SLIT3: variants seen among roughly 807,000 people sequenced by gnomAD.
SLIT3 encodes the protein slit guidance ligand 3, also known as slit homolog 3 protein.
Under a neutral mutation model 184.0 loss-of-function variants are expected in SLIT3, and 68 were observed. The ratio of observed to expected loss-of-function variants is 0.37; its 90% confidence interval spans 0.30 to 0.45. The LOEUF (loss-of-function observed/expected upper bound fraction) is 0.45, where lower values mean the gene tolerates loss of function less well. Among genes scored for constraint, SLIT3 ranks in the 20% least tolerant of loss-of-function variants. The pLI is 1.00. For missense variants in SLIT3, 1,707 were observed against 2,026.0 expected, an observed-to-expected ratio of 0.84 and a Z score of 3.02; for synonymous variants, 831 against 828.6, an observed-to-expected ratio of 1.00 and a Z score of -0.05.
intron 4 of SLIT3, among the ~76,000 whole-genome samples, chr5:169,105,891 T>C (rs767011691): frequency 1.6e-4 from 25 of 152,216 alleles, no homozygotes; most frequent in Non-Finnish European, 3.1e-4. Flanking sequence ...ATGTCTTTGC[T>C]ATTGTGAATA....
chr5:169,151,397 A>T (rs1159340031), intron 4 of SLIT3, among the ~76,000 whole-genome samples: 1 of 152,122 alleles, frequency 6.6e-6, no homozygotes, highest in African/African-American at 2.4e-5. Context: ...CTGGGTTCTA[A>T]TGGCCTATCA....
intron 4 of SLIT3, among the ~76,000 whole-genome samples, chr5:169,040,125 C>G (rs1757397795): frequency 6.6e-6 from 1 of 152,186 alleles, no homozygotes; most frequent in African/African-American, 2.4e-5. Flanking sequence ...TAATCTAATT[C>G]CTATCGACCA....
intron 12 of SLIT3, among the ~76,000 whole-genome samples, chr5:168,782,336 G>A (rs898994278): frequency 2.0e-5 from 3 of 152,204 alleles, no homozygotes; most frequent in East Asian, 1.9e-4. Context: ...TCATGTGATC[G>A]ATGAGCACTA....
chr5:168,749,654 G>A lies in SLIT3; in HGVS notation c.1974-19C>T, dbSNP rs1245429766. 6 of 1,613,654 alleles carry A rather than the reference G, an allele frequency of 3.7e-6. No individual in the cohort carries two copies. In the East Asian group the frequency reaches 1.1e-4, roughly 30 times the overall value. On this transcript the variant is annotated intron_variant, in intron 18 of 35. Transcript: ENST00000519560. The stretch of plus-strand genomic sequence containing the variant: ...GAGGTTTCTAGGAAGAGAGAAGGGT[G>A]CTTAGCCTCCATCCTTCTACTGTGG...
chr5:168,913,263 C>T (rs1761313249), intron 4 of SLIT3, among the ~76,000 whole-genome samples: 2 of 152,036 alleles, frequency 1.3e-5, no homozygotes, highest in Non-Finnish European at 2.9e-5. Flanking sequence ...TAGTTTTGCA[C>T]CAATCAATAC....
At chr5:168,700,448 A>G (rs1424593593) in intron 27 of SLIT3, 134 bp downstream of exon 27, 1 of 669,668 alleles carries the variant, frequency 1.5e-6, no homozygotes, top group Admixed American at 2.4e-5. Flanking sequence ...CATGATTGTG[A>G]GGCTTCCCAG....
At chr5:168,995,706 C>T (rs1755488272) in intron 4 of SLIT3, 1 of 152,230 alleles carries the variant, frequency 6.6e-6, no homozygotes, top group Non-Finnish European at 1.5e-5. Context: ...AACTTGTGGT[C>T]TCCGATGGCA....
At chr5:168,790,502 C>T (rs1199830137) in intron 10 of SLIT3, 2 of 152,236 alleles carry the variant, frequency 1.3e-5, no homozygotes, top group African/African-American at 4.8e-5. Context: ...GACACCAGCT[C>T]TTGCTAATGG....
At chr5:169,278,400 A>G (rs186350744) in intron 1 of SLIT3, among the ~76,000 whole-genome samples, 1 of 152,342 alleles carries the variant, frequency 6.6e-6, no homozygotes, top group African/African-American at 2.4e-5. Context: ...CCTGAATTAC[A>G]GTTCTGCCTC....
intron 20 of SLIT3, among the ~76,000 whole-genome samples, chr5:168,731,796 T>C (rs1296868860): frequency 6.6e-6 from 1 of 151,976 alleles, no homozygotes; most frequent in African/African-American, 2.4e-5. Flanking sequence ...ACAAGGAACA[T>C]ACCTCAAATA....
intron 29 of SLIT3, among the ~76,000 whole-genome samples, chr5:168,691,732 G>T (rs1236676476): frequency 6.6e-6 from 1 of 152,214 alleles, no homozygotes; most frequent in East Asian, 1.9e-4. Context: ...GTTGGACAGA[G>T]ATTGCTGGGA....
At chr5:169,144,669 C>T (rs1319574319) in intron 4 of SLIT3, among the ~76,000 whole-genome samples, 2 of 152,188 alleles carry the variant, frequency 1.3e-5, no homozygotes, top group African/African-American at 4.8e-5. Context: ...AAGCCATGTC[C>T]ACCACCCAAG....
chr5:168,842,196 G>T (rs1391056761), intron 6 of SLIT3, among the ~76,000 whole-genome samples: 1 of 152,168 alleles, frequency 6.6e-6, no homozygotes, highest in Non-Finnish European at 1.5e-5. Flanking sequence ...AAGATGGATG[G>T]TTTCAAAGCT....
chr5:168,750,330 C>T (rs1207689813), intron 18 of SLIT3, among the ~76,000 whole-genome samples: 3 of 152,226 alleles, frequency 2.0e-5, no homozygotes, highest in South Asian at 2.1e-4. Context: ...CCATGCCACG[C>T]ACTTTATAAA....
At chr5:168,726,139 T>C (rs1439989643) in intron 20 of SLIT3, among the ~76,000 whole-genome samples, 2 of 152,008 alleles carry the variant, frequency 1.3e-5, no homozygotes, top group Admixed American at 6.5e-5. Flanking sequence ...CATTTCTGTC[T>C]CAGGGAGCCT....
intron 6 of SLIT3, among the ~76,000 whole-genome samples, chr5:168,831,528 G>A (rs1424160393): frequency 6.6e-6 from 1 of 152,134 alleles, no homozygotes; most frequent in African/African-American, 2.4e-5. Context: ...AAAACATAAT[G>A]ATCTCACAAG....
intron 6 of SLIT3, among the ~76,000 whole-genome samples, chr5:168,834,598 C>G (rs867879282): frequency 2.1e-5 from 3 of 143,042 alleles, no homozygotes; most frequent in African/African-American, 7.8e-5. Flanking sequence ...AGGCTGAGGG[C>G]AGGAGGTGAG....
At chr5:168,666,800 TTTATTCACTCATCCA>T (rs1376423477) in intron 35 of SLIT3, 111 bp from the exon 36 acceptor site, 21 of 1,532,346 alleles carry the variant, frequency 1.4e-5, no homozygotes, top group Non-Finnish European at 1.8e-5. Flanking sequence ...ACTGTAAGAA[TTTATTCACTCATCCA>T]TCTGCCTACC....
chr5:169,185,520 C>G (rs1445887219), intron 4 of SLIT3, among the ~76,000 whole-genome samples: 1 of 152,226 alleles, frequency 6.6e-6, no homozygotes, highest in Non-Finnish European at 1.5e-5. Flanking sequence ...CAGACAATAA[C>G]TCCACTGGAA....
Sources: allele counts gnomAD v4.1 joint callset (sites outside exome capture counted in the v4.1 genomes callset), GRCh38; gene constraint gnomAD v4.1.1; transcripts MANE v1.5; gene names NCBI Gene and HGNC (gene_info 2026-07-23, HGNC 2026-07-21).